Variants in PRELID2 observed in about 807,000 individuals in gnomAD.
PRELID2 encodes PRELI domain containing 2.
A neutral mutation model predicts 28.4 loss-of-function variants in PRELID2; 25 were observed. The observed-to-expected ratio is 0.88, with a 90% CI of 0.64 to 1.23. PRELID2 has a LOEUF of 1.23. PRELID2 is among the 50% of genes most tolerant of loss of function. The pLI is 0.00. For missense variants in PRELID2, 201 were observed against 214.4 expected (o/e 0.94, Z 0.39); for synonymous variants, 76 against 71.6 (o/e 1.06, Z -0.31).
chr5:145,348,849 G>A, the PRELID2 span, among the ~76,000 whole-genome samples: 2 of 152,106 alleles, frequency 1.3e-5, no homozygotes, highest in Non-Finnish European at 2.9e-5. Context: ...TTCAACAAAT[G>A]GAGAGATATC....
At chr5:145,681,337 C>T (rs928906980) in intron 1 of PRELID2, among the ~76,000 whole-genome samples, 12 of 152,060 alleles carry the variant, frequency 7.9e-5, no homozygotes, top group Non-Finnish European at 1.0e-4. Flanking sequence ...TCTGAATTAT[C>T]TTGGCTACAT....
At chr5:145,512,683 T>C (rs1752471869) in intron 1 of PRELID2, among the ~76,000 whole-genome samples, 2 of 152,208 alleles carry the variant, frequency 1.3e-5, no homozygotes, top group African/African-American at 2.4e-5. Context: ...CCATGCCTCC[T>C]GTCTGAGAGA....
intron 1 of PRELID2, among the ~76,000 whole-genome samples, chr5:145,645,034 C>T (rs1247452879): frequency 6.6e-6 from 1 of 152,104 alleles, no homozygotes; most frequent in African/African-American, 2.4e-5. Context: ...ATTAAGTCCA[C>T]TTGGTCCAGA....
chr5:145,767,533 G>A (rs1416009865), intron 5 of PRELID2, among the ~76,000 whole-genome samples: 2 of 152,136 alleles, frequency 1.3e-5, no homozygotes, highest in African/African-American at 4.8e-5. Flanking sequence ...AGCTAAAAGA[G>A]CACACTATAA....
chr5:145,421,649 G>A, the PRELID2 span, among the ~76,000 whole-genome samples: 67 of 140,178 alleles, frequency 4.8e-4, 1 homozygote, highest in East Asian at 8.1e-4. Context: ...TCTTGCTAGC[G>A]GTCTATCAAT....
chr5:145,462,631 C>A, the PRELID2 span, among the ~76,000 whole-genome samples: 1 of 152,216 alleles, frequency 6.6e-6, no homozygotes, highest in Non-Finnish European at 1.5e-5. Context: ...TATGTTCTGG[C>A]TTCAGGTTGG....
the PRELID2 span, among the ~76,000 whole-genome samples, chr5:145,344,270 A>G: frequency 6.6e-6 from 1 of 152,072 alleles, no homozygotes; most frequent in Non-Finnish European, 1.5e-5. Context: ...ATAATAGCAA[A>G]CTGAATCCAA....
intron 1 of PRELID2, among the ~76,000 whole-genome samples, chr5:145,590,729 A>G (rs1427624275): frequency 6.6e-6 from 1 of 152,120 alleles, no homozygotes; most frequent in African/African-American, 2.4e-5. Context: ...AGTCCAGATA[A>G]TATCTAGAAT....
At chr5:145,679,610 C>T (rs1166498479) in intron 1 of PRELID2, among the ~76,000 whole-genome samples, 2 of 152,044 alleles carry the variant, frequency 1.3e-5, no homozygotes, top group Admixed American at 1.3e-4. Context: ...ATATCAGATG[C>T]TCAGTAAATA....
chr5:145,482,870 T>C (rs1201514044), intron 1 of PRELID2, among the ~76,000 whole-genome samples: 1 of 151,660 alleles, frequency 6.6e-6, no homozygotes, highest in Non-Finnish European at 1.5e-5. Context: ...CAGTTCACAA[T>C]AGGGTTCGCG....
the PRELID2 span, among the ~76,000 whole-genome samples, chr5:145,390,241 A>G: frequency 6.6e-6 from 1 of 152,304 alleles, no homozygotes; most frequent in Non-Finnish European, 1.5e-5. Flanking sequence ...GAAGTTTCAG[A>G]CCCAAAGAAC....
intron 1 of PRELID2, among the ~76,000 whole-genome samples, chr5:145,542,759 TTC>T (rs1481404040): frequency 2.8e-5 from 4 of 143,702 alleles, no homozygotes; most frequent in Admixed American, 6.9e-5. Flanking sequence ...ATTTCTTTCT[TTC>T]TTTCTTTCTT....
chr5:145,478,999 A>C (rs1462850900), intron 1 of PRELID2, among the ~76,000 whole-genome samples: 4 of 152,226 alleles, frequency 2.6e-5, no homozygotes, highest in Non-Finnish European at 5.9e-5. Context: ...CTCTGCCTTC[A>C]GAATCAAGAA....
the PRELID2 span, among the ~76,000 whole-genome samples, chr5:145,421,602 C>T: frequency 0.28 from 30,723 of 110,348 alleles, 2,834 homozygotes; most frequent in Admixed American, 0.32. Context: ...TTTTTTATTG[C>T]GTCTATTTGA....
intron 1 of PRELID2, among the ~76,000 whole-genome samples, chr5:145,699,159 C>T (rs1171633001): frequency 6.6e-6 from 1 of 152,090 alleles, no homozygotes; most frequent in Non-Finnish European, 1.5e-5. Context: ...ATAGTAACAG[C>T]GTACCTAGTT....
the PRELID2 span, among the ~76,000 whole-genome samples, chr5:145,345,039 A>G: frequency 9.2e-5 from 14 of 152,130 alleles, no homozygotes; most frequent in Non-Finnish European, 1.9e-4. Flanking sequence ...GATAAAAACT[A>G]TCTAAACTTT....
At chr5:145,772,565 A>G (rs1758176053) in intron 5 of PRELID2, among the ~76,000 whole-genome samples, 1 of 152,210 alleles carries the variant, frequency 6.6e-6, no homozygotes, top group African/African-American at 2.4e-5. Flanking sequence ...GCAAGAGGGT[A>G]TGTACAAGAA....
chr5:145,646,866 T>C (rs1006127248), intron 1 of PRELID2, among the ~76,000 whole-genome samples: 1 of 152,242 alleles, frequency 6.6e-6, no homozygotes, highest in Non-Finnish European at 1.5e-5. Flanking sequence ...ACAGCATAGA[T>C]TGCTGCCTGT....
the PRELID2 span, among the ~76,000 whole-genome samples, chr5:145,314,589 A>T: frequency 0.015 from 2,309 of 152,056 alleles, 23 homozygotes; most frequent in South Asian, 0.032. Flanking sequence ...TATCACTAAA[A>T]TTTTTTAAAA....
Sources: allele counts gnomAD v4.1 joint callset (sites outside exome capture counted in the v4.1 genomes callset), GRCh38; gene constraint gnomAD v4.1.1; transcripts MANE v1.5; gene names NCBI Gene and HGNC (gene_info 2026-07-23, HGNC 2026-07-21).